Variants in PCDHA8 observed in about 807,000 individuals in gnomAD.
PCDHA8 encodes the protein protocadherin alpha 8.
In PCDHA8, 53 loss-of-function variants were observed where a neutral mutation model predicts 61.8. The observed-to-expected ratio is 0.86, with a 90% CI of 0.69 to 1.08. The LOEUF (loss-of-function observed/expected upper bound fraction) is 1.08, where lower values mean the gene tolerates loss of function less well. Among genes scored for constraint, PCDHA8 ranks in the 50% least tolerant of loss-of-function variants. PCDHA8 has a pLI of 0.00. For synonymous variants in PCDHA8, 618 were observed against 556.6 expected (o/e 1.11, Z -1.55); for missense variants, 1,293 against 1,245.0 (o/e 1.04, Z -0.58).
chr5:140,867,455 GTGTTATGACAACAT>G (rs1181061872), intron 1 of PCDHA8: 1 of 152,006 alleles, frequency 6.6e-6, no homozygotes, highest in East Asian at 1.9e-4. Flanking sequence ...TAGAGTTCTA[GTGTTATGACAACAT>G]TGGGAAAAGA....
intron 1 of PCDHA8, chr5:140,856,177 C>G (rs200004763): frequency 6.3e-7 from 1 of 1,598,248 alleles, no homozygotes; most frequent in East Asian, 2.2e-5. Context: ...ACGGCACCTT[C>G]GTGGGCCGCA....
chr5:140,850,537 G>T (rs115218749), intron 1 of PCDHA8: 1 of 1,598,212 alleles, frequency 6.3e-7, no homozygotes, highest in Non-Finnish European at 8.6e-7. Context: ...TCATCGTCGC[G>T]GGCGTCAGTG....
At position 140,890,629 on chromosome 5, in the gene PCDHA8, A is replaced by T. The variant is rs6883083; in HGVS notation, c.2394+46914A>T. On this transcript the variant is annotated intron_variant, in intron 1 of 3. Transcript: ENST00000531613. ...TAGTGCTTACCCTAGAAAATTAAGCATGTATCCTTGATATATCAAAATCAA... is the reference window on the plus strand; with the variant it reads ...TAGTGCTTACCCTAGAAAATTAAGCTTGTATCCTTGATATATCAAAATCAA... Among the ~76,000 whole-genome samples, 1,394 of 152,274 alleles carry T rather than the reference A, an allele frequency of 9.2e-3. 17 individuals are homozygous for T. Among genetic ancestry groups the T allele is most frequent in the African/African-American group, 0.032 (1,348 of 41,546 alleles).
chr5:140,869,809 A>G, intron 1 of PCDHA8: 15 of 1,612,564 alleles, frequency 9.3e-6, no homozygotes, highest in Non-Finnish European at 1.3e-5. Flanking sequence ...CTTGGATGTC[A>G]ACGACAATGA....
rs2150485669 is a variant in PCDHA8, at chr5:140,850,474, C to T, written c.2394+6759C>T. On this transcript the variant is annotated intron_variant, in intron 1 of 3. Coordinates refer to ENST00000531613, the MANE Select transcript of PCDHA8 (RefSeq NM_018911.3). ...AAAGACCACGGGGAGCCAGCGCTGA[C>T]GGCCACGGCCACTGTGCTGGTGTCG... 7.5e-6 allele frequency: 12 copies of T among 1,597,644 alleles called. 2 individuals are homozygous for T. In the South Asian group the frequency reaches 1.1e-4, roughly 15 times the overall value.
intron 1 of PCDHA8, chr5:140,860,177 G>A (rs1218765460): frequency 6.7e-6 from 1 of 148,372 alleles, no homozygotes; most frequent in Admixed American, 6.7e-5. Flanking sequence ...ATATATATAT[G>A]ATGGGCTCTC....
chr5:140,997,610 C>A (rs1223241020), intron 3 of PCDHA8, among the ~76,000 whole-genome samples: 1 of 151,776 alleles, frequency 6.6e-6, no homozygotes, highest in Non-Finnish European at 1.5e-5. Flanking sequence ...GGGCGCATGA[C>A]TATATAGAGA....
rs2150332789 is a variant in PCDHA8, at chr5:140,842,251, T to C, written c.930T>C (p.Phe310=). 6 of 1,611,822 alleles carry C rather than the reference T, an allele frequency of 3.7e-6. 1 individual carries two copies. The highest frequency in any genetic ancestry group is 5.1e-6 in the Non-Finnish European group (6 of 1,178,190). ...GEIVIRGNLD[F]EQENLYKILI... Reference sequence around the variant, plus strand: ...TAGTGATTCGGGGTAATTTGGATTTTGAACAAGAAAACTTATACAAAATCC... The same window carrying C: ...TAGTGATTCGGGGTAATTTGGATTTCGAACAAGAAAACTTATACAAAATCC... Residue 310 remains phenylalanine (F), a synonymous_variant, in exon 1 of 4, where the codon TTT becomes TTC. Coordinates refer to ENST00000531613, the MANE Select transcript of PCDHA8 (RefSeq NM_018911.3).
chr5:140,952,948 A>AG (rs1177459807), intron 1 of PCDHA8, among the ~76,000 whole-genome samples: 39 of 152,028 alleles, frequency 2.6e-4, no homozygotes, highest in African/African-American at 8.5e-4. Context: ...GAGAGAGAGA[A>AG]GGGGGAAGTG....
chr5:140,879,761 G>A (rs2058106657), intron 1 of PCDHA8, among the ~76,000 whole-genome samples: 1 of 152,152 alleles, frequency 6.6e-6, no homozygotes, highest in South Asian at 2.1e-4. Flanking sequence ...TACTCTCTTT[G>A]GAGGCCCCAG....
At chr5:140,870,325 C>G in intron 1 of PCDHA8, 1 of 1,614,198 alleles carries the variant, frequency 6.2e-7, no homozygotes. Flanking sequence ...CTCGTTGGTG[C>G]TGGACAGCGC....
intron 1 of PCDHA8, chr5:140,968,575 G>C: frequency 6.2e-7 from 1 of 1,614,134 alleles, no homozygotes; most frequent in Non-Finnish European, 8.5e-7. Context: ...CTGGCTACCT[G>C]GTCACCAAAG....
At chr5:140,927,288 C>T (rs917590577) in intron 1 of PCDHA8, 1 of 1,614,196 alleles carries the variant, frequency 6.2e-7, no homozygotes, top group Non-Finnish European at 8.5e-7. Context: ...TGCAGCTGCA[C>T]ATCCCCGAGT....
At chr5:140,969,120 G>T (rs1333559202) in intron 1 of PCDHA8, 1 of 1,613,970 alleles carries the variant, frequency 6.2e-7, no homozygotes, top group Non-Finnish European at 8.5e-7. Flanking sequence ...CGAGGGAATG[G>T]CTCCCTCACC....
intron 3 of PCDHA8, among the ~76,000 whole-genome samples, chr5:140,998,111 T>A (rs1224150326): frequency 1.3e-5 from 2 of 152,108 alleles, no homozygotes; most frequent in African/African-American, 4.8e-5. Flanking sequence ...GAGGAGAAAA[T>A]TTACTTGTGA....
chr5:140,897,345 C>A (rs1291203410), intron 1 of PCDHA8, among the ~76,000 whole-genome samples: 2 of 126,562 alleles, frequency 1.6e-5, no homozygotes, highest in African/African-American at 6.0e-5. Flanking sequence ...CCCCCCACCC[C>A]ACAACTGTCC....
chr5:140,981,673 C>T (rs1184909774), intron 2 of PCDHA8, among the ~76,000 whole-genome samples: 1 of 152,108 alleles, frequency 6.6e-6, no homozygotes, highest in African/African-American at 2.4e-5. Flanking sequence ...TTCCTTTCTT[C>T]CTTCCTCCCT....
intron 1 of PCDHA8, chr5:140,967,928 A>T (rs1438894870): frequency 3.1e-6 from 5 of 1,614,082 alleles, no homozygotes; most frequent in Non-Finnish European, 3.4e-6. Flanking sequence ...GGCCGTTCTC[A>T]GTGTCAATGA....
chr5:140,993,939 T>C (rs1449633283), intron 3 of PCDHA8, among the ~76,000 whole-genome samples: 5 of 152,198 alleles, frequency 3.3e-5, no homozygotes, highest in Non-Finnish European at 7.3e-5. Context: ...ATATCCCCAT[T>C]GTTAAGTGAT....
Sources: allele counts gnomAD v4.1 joint callset (sites outside exome capture counted in the v4.1 genomes callset), GRCh38; gene constraint gnomAD v4.1.1; transcripts MANE v1.5; gene names NCBI Gene and HGNC (gene_info 2026-07-23, HGNC 2026-07-21).